Variants in PAPPA observed in about 807,000 individuals in gnomAD.
PAPPA encodes pappalysin 1, also known as pappalysin-1.
A neutral mutation model predicts 164.0 loss-of-function variants in PAPPA; 60 were observed. The ratio of observed to expected loss-of-function variants is 0.37; its 90% CI spans 0.30 to 0.45. PAPPA has a LOEUF of 0.45. PAPPA is among the 20% of genes least tolerant of loss of function. The pLI, the probability that PAPPA is intolerant of heterozygous loss-of-function variation, is 1.00. For synonymous variants in PAPPA, 875 were observed against 814.1 expected, an observed-to-expected ratio of 1.07 and a Z score of -1.27; for missense variants, 1,782 against 2,087.3, an observed-to-expected ratio of 0.85 and a Z score of 2.85.
chr9:116,213,096 C>T (rs1391991697), intron 4 of PAPPA, among the ~76,000 whole-genome samples: 2 of 152,174 alleles, frequency 1.3e-5, no homozygotes, highest in African/African-American at 2.4e-5. Context: ...CACTCTGTTC[C>T]ACAGGGATGC....
intron 17 of PAPPA, among the ~76,000 whole-genome samples, chr9:116,360,156 A>C (rs1846405720): frequency 6.6e-6 from 1 of 152,230 alleles, no homozygotes; most frequent in African/African-American, 2.4e-5. Flanking sequence ...TAGGGGTTGG[A>C]ATCCAAATGC....
rs1846231555 is a variant in PAPPA, at chr9:116,347,813, A to G, written c.3964+604A>G. ...GCTAGGCACCAGGGCTATTGAGGGG[A>G]AAAAGACACTGGCATACCAGAGAAG... is the stretch of plus-strand genomic sequence containing the variant. On this transcript the variant is annotated intron_variant, in intron 15 of 21. Coordinates refer to ENST00000328252, the MANE Select transcript of PAPPA (RefSeq NM_002581.5). This position sits in a 1 kb window ranked among gnomAD's most constrained non-coding sequence, Gnocchi z 4.5. Among the ~76,000 whole-genome samples the G allele has an allele frequency of 6.6e-6, 1 of 152,156 alleles. No individual in the cohort carries two copies. Among genetic ancestry groups the G allele is most frequent in the African/African-American group, 2.4e-5 (1 of 41,422 alleles).
At chr9:116,156,924 C>G (rs2118968156) in intron 1 of PAPPA, among the ~76,000 whole-genome samples, 1 of 152,366 alleles carries the variant, frequency 6.6e-6, no homozygotes, top group Admixed American at 6.5e-5. Flanking sequence ...AAGGCTCACC[C>G]TCTCGCGGCG....
At chr9:116,301,985 CA>C (rs2118889459) in intron 9 of PAPPA, among the ~76,000 whole-genome samples, 1 of 152,296 alleles carries the variant, frequency 6.6e-6, no homozygotes, top group East Asian at 1.9e-4. Context: ...TGGAGTTAAA[CA>C]ACCCCCAGTT....
intron 12 of PAPPA, 37 bp from the exon 13 acceptor site, chr9:116,334,824 G>T: frequency 1.3e-6 from 2 of 1,536,734 alleles, no homozygotes; most frequent in Non-Finnish European, 1.8e-6. Context: ...CTTGAGTAAT[G>T]AGCCTGGCCC....
intron 7 of PAPPA, among the ~76,000 whole-genome samples, chr9:116,255,911 T>C (rs759112601): frequency 9.2e-5 from 14 of 151,676 alleles, no homozygotes; most frequent in Non-Finnish European, 1.9e-4. Context: ...AGGATCTAAG[T>C]GGAAATTTAT....
chr9:116,170,414 T>A (rs958815314), intron 1 of PAPPA, among the ~76,000 whole-genome samples: 23 of 152,188 alleles, frequency 1.5e-4, no homozygotes, highest in African/African-American at 5.3e-4. Flanking sequence ...AAACTCTGCT[T>A]TCTGAGTTTC....
chr9:116,343,169 G>T (rs537544191), intron 13 of PAPPA, among the ~76,000 whole-genome samples: 5 of 152,196 alleles, frequency 3.3e-5, no homozygotes, highest in South Asian at 2.1e-4. Flanking sequence ...TAGGGTTGTT[G>T]TAAGGATGGA....
chr9:116,285,078 T>C (rs1222912765), intron 9 of PAPPA, among the ~76,000 whole-genome samples: 1 of 152,090 alleles, frequency 6.6e-6, no homozygotes, highest in Non-Finnish European at 1.5e-5. Context: ...AATTCCTTAC[T>C]GTGTCATTTA....
Position 116,210,540 on chromosome 9 carries a change from C to G in PAPPA, c.1625-1099C>G, listed in dbSNP as rs182885557. Reference sequence around the variant, plus strand: ...TTCACAGACCTGAGTTTTAACCTTCCCTTAAACATTTTAAAATTTTAAAGT... The same window carrying G: ...TTCACAGACCTGAGTTTTAACCTTCGCTTAAACATTTTAAAATTTTAAAGT... On this transcript the variant is annotated intron_variant, in intron 3 of 21. Transcript: ENST00000328252. Among the ~76,000 whole-genome samples the G allele has an allele frequency of 2.9e-3, 447 of 152,274 alleles. 4 individuals are homozygous for G. Among genetic ancestry groups the G allele is most frequent in the African/African-American group, 0.01 (419 of 41,564 alleles).
chr9:116,352,779 C>A lies in PAPPA; in HGVS notation c.4038C>A (p.Cys1346Ter). The A allele has an allele frequency of 6.2e-7, 1 of 1,613,888 alleles. No homozygotes were observed. The highest frequency in any genetic ancestry group is 8.5e-7 in the Non-Finnish European group (1 of 1,179,974). Residue 1346 changes from cysteine to a stop codon, truncating the protein, a stop_gained, in exon 16 of 22, where the codon TGC (cysteine) becomes TGA (stop). Coordinates refer to ENST00000328252, the MANE Select transcript of PAPPA (RefSeq NM_002581.5). LOFTEE classifies it high-confidence loss of function. ...CAGAGGCCCTGTGTGAGCTCATGTG[C>A]CTCGCTCCACCCCCTGTGCCCAATG... ...SFPEALCELM[C>*]LAPPPVPNAD...
chr9:116,359,488 G>T (rs937495624), intron 17 of PAPPA, among the ~76,000 whole-genome samples: 2 of 152,224 alleles, frequency 1.3e-5, no homozygotes, highest in Non-Finnish European at 1.5e-5. Context: ...AACATACCCA[G>T]TCAGTTCCCT....
Position 116,352,879 on chromosome 9 carries a change from G to A in PAPPA, c.4138G>A (p.Gly1380Arg). 4 of 1,614,130 alleles carry A rather than the reference G, an allele frequency of 2.5e-6. No homozygotes were observed. The highest frequency in any genetic ancestry group is 3.4e-6 in the Non-Finnish European group (4 of 1,180,002). Residue 1380 changes from glycine to arginine, a missense_variant, in exon 16 of 22, where the codon GGA becomes AGA. Coordinates refer to ENST00000328252, the MANE Select transcript of PAPPA (RefSeq NM_002581.5). ...GSFCKYKCKP[G>R]YHVPGSSRKS... The stretch of plus-strand genomic sequence containing the variant: ...CTTCTGCAAATACAAATGCAAGCCT[G>A]GATACCATGTGCCTGGATCCTCTCG...
intron 9 of PAPPA, among the ~76,000 whole-genome samples, chr9:116,282,936 G>A (rs1341009457): frequency 2.0e-5 from 3 of 152,190 alleles, no homozygotes; most frequent in African/African-American, 7.2e-5. Flanking sequence ...TACTGATTAA[G>A]TACCAAAGAG....
At chr9:116,236,798 C>A (rs1844673635) in intron 7 of PAPPA, among the ~76,000 whole-genome samples, 1 of 152,060 alleles carries the variant, frequency 6.6e-6, no homozygotes, top group Non-Finnish European at 1.5e-5. Context: ...TCTTATTTTA[C>A]AAAGAAGAAA....
chr9:116,299,729 G>A (rs1000567124), intron 9 of PAPPA, among the ~76,000 whole-genome samples: 4 of 152,128 alleles, frequency 2.6e-5, no homozygotes, highest in Admixed American at 6.5e-5. Context: ...TTCTTGCTCT[G>A]CTACCACCTG....
intron 7 of PAPPA, among the ~76,000 whole-genome samples, chr9:116,249,101 T>C (rs1381706764): frequency 6.6e-6 from 1 of 152,210 alleles, no homozygotes; most frequent in Non-Finnish European, 1.5e-5. Flanking sequence ...GCAGTGAAGA[T>C]AAACCAGTCA....
At chr9:116,320,743 G>A (rs763515977) in intron 10 of PAPPA, among the ~76,000 whole-genome samples, 2 of 152,082 alleles carry the variant, frequency 1.3e-5, no homozygotes, top group African/African-American at 2.4e-5. Context: ...AAGTGTGTGT[G>A]TATGTGTATG....
At position 116,382,426 on chromosome 9, in the gene PAPPA, T is replaced by A; in HGVS notation, c.4709T>A (p.Ile1570Asn). ...PFMGDNYCDA[I>N]NNRAFCNYDG... ...ATGGGAGACAATTATTGTGATGCCATCAACAACCGAGCCTTTTGCAACTAT... is the reference window on the plus strand; with the variant it reads ...ATGGGAGACAATTATTGTGATGCCAACAACAACCGAGCCTTTTGCAACTAT... The change falls in exon 21 of 22, where the codon ATC becomes AAC. Residue 1570 changes from isoleucine (I) to asparagine (N), a missense_variant. Transcript: ENST00000328252. The A allele has an allele frequency of 9.3e-6, 15 of 1,613,716 alleles. No homozygotes were observed. Among genetic ancestry groups the A allele is most frequent in the Non-Finnish European group, 1.3e-5 (15 of 1,179,672 alleles).
Sources: gnomAD v4.1 joint callset for allele counts (sites outside exome capture counted in the v4.1 genomes callset) on GRCh38, gnomAD v4.1.1 for gene constraint, Gnocchi (gnomAD v3.1) non-coding constraint, MANE v1.5 for transcripts, NCBI Gene and HGNC (gene_info 2026-07-23, HGNC 2026-07-21) for gene names.